GRIK1: variants seen among roughly 807,000 people sequenced by gnomAD.
GRIK1 encodes the protein glutamate ionotropic receptor kainate type subunit 1.
A neutral mutation model predicts 105.7 loss-of-function variants in GRIK1; 69 were observed. That is an observed-to-expected ratio of 0.65 (90% CI 0.54 to 0.80). GRIK1 has a LOEUF of 0.80. Ranked by LOEUF, GRIK1 falls within the 30% of genes least tolerant of loss-of-function variation. The probability of loss-of-function intolerance (pLI) is 0.00; values close to 1 mark genes in which losing one functional copy is unlikely to be tolerated. For synonymous variants in GRIK1, 438 were observed against 431.3 expected, an observed-to-expected ratio of 1.02 and a Z score of -0.19; for missense variants, 1,109 against 1,167.3, an observed-to-expected ratio of 0.95 and a Z score of 0.73.
intron 4 of GRIK1, among the ~76,000 whole-genome samples, chr21:29,659,357 C>A (rs2062916807): frequency 6.6e-6 from 1 of 152,120 alleles, no homozygotes; most frequent in East Asian, 1.9e-4. Context: ...AGTTTTCCCC[C>A]CCTACCTCTA....
At chr21:29,808,173 G>A (rs966104301) in intron 1 of GRIK1, among the ~76,000 whole-genome samples, 2 of 152,044 alleles carry the variant, frequency 1.3e-5, no homozygotes. Context: ...TTTTCAAGTC[G>A]GGTCTGAAGT....
chr21:29,567,566 A>G (rs973607722), intron 14 of GRIK1, among the ~76,000 whole-genome samples: 4 of 152,188 alleles, frequency 2.6e-5, no homozygotes, highest in African/African-American at 9.6e-5. Flanking sequence ...ATCAAAAGTG[A>G]TCTTATAAAT....
At chr21:29,888,607 C>A (rs2069769537) in intron 1 of GRIK1, among the ~76,000 whole-genome samples, 1 of 152,060 alleles carries the variant, frequency 6.6e-6, no homozygotes, top group Non-Finnish European at 1.5e-5. Flanking sequence ...ACAGACTAGT[C>A]TATTTCTGAA....
At chr21:29,621,768 A>T (rs371188342) in intron 7 of GRIK1, among the ~76,000 whole-genome samples, 73 of 152,270 alleles carry the variant, frequency 4.8e-4, no homozygotes, top group Admixed American at 1.0e-3. Flanking sequence ...CTAATTTCAG[A>T]ATCAGTAAAA....
At chr21:29,827,784 A>T (rs78895105) in intron 1 of GRIK1, among the ~76,000 whole-genome samples, 9,444 of 152,134 alleles carry the variant, frequency 0.062, 450 homozygotes, top group Non-Finnish European at 0.095. Context: ...AGCGTCTTTA[A>T]ACAAACAAAC....
intron 1 of GRIK1, among the ~76,000 whole-genome samples, chr21:29,712,097 C>CACACACAT (rs1173566040): frequency 2.2e-5 from 3 of 139,112 alleles, no homozygotes; most frequent in Non-Finnish European, 4.6e-5. Flanking sequence ...CACACACACA[C>CACACACAT]ACACACACAC....
intron 1 of GRIK1, among the ~76,000 whole-genome samples, chr21:29,895,780 G>T (rs2070125225): frequency 6.6e-6 from 1 of 152,208 alleles, no homozygotes; most frequent in East Asian, 1.9e-4. Flanking sequence ...TTTCAGCTTT[G>T]CCACTTAGCT....
At chr21:29,691,707 A>G (rs1355361343) in intron 2 of GRIK1, among the ~76,000 whole-genome samples, 1 of 152,252 alleles carries the variant, frequency 6.6e-6, no homozygotes, top group African/African-American at 2.4e-5. Flanking sequence ...ATAAAATTGT[A>G]TTGAATATTA....
chr21:29,867,233 A>G (rs939436635), intron 1 of GRIK1, among the ~76,000 whole-genome samples: 3 of 152,220 alleles, frequency 2.0e-5, no homozygotes, highest in Non-Finnish European at 4.4e-5. Context: ...TTAGAATAAA[A>G]GATCCTTAGA....
intron 1 of GRIK1, among the ~76,000 whole-genome samples, chr21:29,720,382 G>T (rs1242174894): frequency 6.6e-5 from 10 of 152,118 alleles, no homozygotes. Flanking sequence ...CTACCTCTAA[G>T]TGCCTGTGCC....
At chr21:29,832,224 C>T (rs974528748) in intron 1 of GRIK1, among the ~76,000 whole-genome samples, 4 of 152,316 alleles carry the variant, frequency 2.6e-5, no homozygotes, top group East Asian at 3.9e-4. Context: ...CAGCTGCTTT[C>T]CTGGACTGGT....
Position 29,814,080 on chromosome 21 carries a change from A to AAT in GRIK1, c.119-120019_119-120018dup, listed in dbSNP as rs773790066. Among the ~76,000 whole-genome samples, 468 of 146,922 alleles carry AAT rather than the reference A, an allele frequency of 3.2e-3. 4 individuals carry two copies. The highest frequency in any genetic ancestry group is 9.9e-3 in the African/African-American group (401 of 40,314). On this transcript the variant is annotated intron_variant, in intron 1 of 17. Coordinates refer to ENST00000327783, the MANE Select transcript of GRIK1 (RefSeq NM_001330994.2). ...CAGGTGCGTGCCACCACACCTGGCTAATATATATATATAAAATAATAATAA... is the reference window on the plus strand; with the variant it reads ...CAGGTGCGTGCCACCACACCTGGCTAATATATATATATATAAAATAATAATAA...
At chr21:29,665,362 A>G (rs1244504809) in intron 4 of GRIK1, among the ~76,000 whole-genome samples, 2 of 152,228 alleles carry the variant, frequency 1.3e-5, no homozygotes, top group Non-Finnish European at 2.9e-5. Context: ...AATAGATTTT[A>G]ATATCAGCCT....
At chr21:29,784,957 A>G (rs990682081) in intron 1 of GRIK1, among the ~76,000 whole-genome samples, 1 of 152,218 alleles carries the variant, frequency 6.6e-6, no homozygotes, top group Non-Finnish European at 1.5e-5. Flanking sequence ...ATCAAGTCAT[A>G]AAATAAATCC....
chr21:29,686,290 T>C (rs1325230794), intron 3 of GRIK1, among the ~76,000 whole-genome samples: 1 of 152,166 alleles, frequency 6.6e-6, no homozygotes, highest in African/African-American at 2.4e-5. Context: ...AGGTATCTGT[T>C]CCCCCAACAC....
chr21:29,808,645 C>T (rs1014457097), intron 1 of GRIK1, among the ~76,000 whole-genome samples: 1 of 152,142 alleles, frequency 6.6e-6, no homozygotes, highest in East Asian at 1.9e-4. Context: ...AGTGTTCCTC[C>T]TTCATGCTTT....
intron 1 of GRIK1, among the ~76,000 whole-genome samples, chr21:29,891,771 T>C (rs949878769): frequency 1.3e-5 from 2 of 152,234 alleles, no homozygotes; most frequent in Non-Finnish European, 2.9e-5. Context: ...TTTCAGTTGA[T>C]GATTATTCTC....
chr21:29,700,888 T>C (rs2063799813), intron 1 of GRIK1, among the ~76,000 whole-genome samples: 1 of 152,150 alleles, frequency 6.6e-6, no homozygotes, highest in Admixed American at 6.5e-5. Flanking sequence ...CATTTAATGA[T>C]GGAAAAAACA....
intron 13 of GRIK1, among the ~76,000 whole-genome samples, chr21:29,578,779 G>A (rs962414513): frequency 5.9e-5 from 9 of 151,996 alleles, no homozygotes; most frequent in African/African-American, 2.2e-4. Flanking sequence ...TGTGTTTAAT[G>A]CCCAAGGTTG....
Sources: allele counts gnomAD v4.1 joint callset (sites outside exome capture counted in the v4.1 genomes callset), GRCh38; gene constraint gnomAD v4.1.1; transcripts MANE v1.5; gene names NCBI Gene and HGNC (gene_info 2026-07-23, HGNC 2026-07-21).